The following BBS9 variants were observed in gnomAD, a reference collection of about 807,000 sequenced individuals.
BBS9 encodes the protein Bardet-Biedl syndrome 9, also known as protein PTHB1.
A neutral mutation model predicts 117.7 loss-of-function variants in BBS9; 89 were observed. The ratio of observed to expected loss-of-function variants is 0.76; its 90% CI spans 0.64 to 0.90. The LOEUF (loss-of-function observed/expected upper bound fraction) is 0.90. Ranked by LOEUF, BBS9 falls within the 40% of genes least tolerant of loss-of-function variation. The probability of loss-of-function intolerance (pLI) is 0.00; values close to 1 mark genes in which losing one functional copy is unlikely to be tolerated. For synonymous variants in BBS9, 379 were observed against 370.9 expected, an observed-to-expected ratio of 1.02 and a Z score of -0.25; for missense variants, 982 against 1,042.2, an observed-to-expected ratio of 0.94 and a Z score of 0.80.
intron 9 of BBS9, among the ~76,000 whole-genome samples, chr7:33,288,576 C>A (rs942395029): frequency 5.3e-5 from 8 of 152,110 alleles, no homozygotes; most frequent in African/African-American, 1.7e-4. Flanking sequence ...GACTTATTAC[C>A]CTTTTTCCTC....
chr7:33,341,272 C>T (rs567082674), intron 11 of BBS9, among the ~76,000 whole-genome samples: 25 of 152,186 alleles, frequency 1.6e-4, no homozygotes, highest in African/African-American at 5.3e-4. Flanking sequence ...TTCAAACTTT[C>T]TTAGTACCAT....
chr7:33,516,487 C>CAAAAAAAAAA (rs61006845), intron 20 of BBS9, among the ~76,000 whole-genome samples: 3 of 51,520 alleles, frequency 5.8e-5, no homozygotes, highest in African/African-American at 7.5e-5. Flanking sequence ...ATTTCATCTC[C>CAAAAAAAAAA]AAAAAAAAAA....
chr7:33,378,355 TGA>T (rs1824293993), intron 17 of BBS9, among the ~76,000 whole-genome samples: 1 of 152,236 alleles, frequency 6.6e-6, no homozygotes, highest in South Asian at 2.1e-4. Flanking sequence ...AGTGTTACCT[TGA>T]GTCTTATTTA....
chr7:33,537,884 T>C (rs1316640949), intron 21 of BBS9, among the ~76,000 whole-genome samples: 3 of 152,252 alleles, frequency 2.0e-5, no homozygotes, highest in Non-Finnish European at 4.4e-5. Context: ...TGAAGACTTA[T>C]CATTTTAACC....
chr7:33,481,786 G>A (rs1842544054), intron 19 of BBS9, among the ~76,000 whole-genome samples: 1 of 152,140 alleles, frequency 6.6e-6, no homozygotes, highest in East Asian at 1.9e-4. Flanking sequence ...GAGTGGAGAG[G>A]AAGAAATAAA....
intron 20 of BBS9, among the ~76,000 whole-genome samples, chr7:33,517,630 G>A (rs1172755245): frequency 6.6e-6 from 1 of 152,102 alleles, no homozygotes; most frequent in Admixed American, 6.5e-5. Flanking sequence ...GCACTTCTTG[G>A]CTCTGCTCTC....
chr7:33,237,932 G>T (rs181686542), intron 5 of BBS9, among the ~76,000 whole-genome samples: 50 of 152,244 alleles, frequency 3.3e-4, no homozygotes, highest in Middle Eastern at 3.4e-3. Context: ...TTCTGATGAG[G>T]TGAAAGCCTG....
intron 19 of BBS9, among the ~76,000 whole-genome samples, chr7:33,429,540 C>A (rs899017672): frequency 6.6e-6 from 1 of 152,112 alleles, no homozygotes; most frequent in East Asian, 1.9e-4. Context: ...GTGAAAATAG[C>A]ATTGGTTTAG....
chr7:33,148,442 A>G (rs1471507343), intron 2 of BBS9, among the ~76,000 whole-genome samples: 2 of 152,198 alleles, frequency 1.3e-5, no homozygotes, highest in Non-Finnish European at 2.9e-5. Flanking sequence ...GGCTCACTGC[A>G]ACCTCCACCT....
intron 7 of BBS9, among the ~76,000 whole-genome samples, chr7:33,267,044 A>G (rs1410122838): frequency 6.6e-6 from 1 of 152,068 alleles, no homozygotes; most frequent in Non-Finnish European, 1.5e-5. Context: ...CGCCTGGCAT[A>G]TATCTATATT....
chr7:33,402,491 T>G (rs1279727906), intron 19 of BBS9, among the ~76,000 whole-genome samples: 1 of 152,176 alleles, frequency 6.6e-6, no homozygotes, highest in Non-Finnish European at 1.5e-5. Context: ...AGCCCCCTTG[T>G]GTCCAGTTAC....
intron 5 of BBS9, among the ~76,000 whole-genome samples, chr7:33,255,654 T>C (rs1442109092): frequency 2.0e-5 from 3 of 152,202 alleles, no homozygotes; most frequent in Non-Finnish European, 4.4e-5. Flanking sequence ...TTGCAGCATT[T>C]ATTTTAACTA....
At chr7:33,495,348 TC>T (rs2129001851) in intron 19 of BBS9, among the ~76,000 whole-genome samples, 1 of 152,306 alleles carries the variant, frequency 6.6e-6, no homozygotes, top group Admixed American at 6.5e-5. Context: ...ATCCATCATT[TC>T]CCTTCACTGG....
intron 19 of BBS9, among the ~76,000 whole-genome samples, chr7:33,416,971 A>ACTCT (rs1832107248): frequency 6.6e-6 from 1 of 152,218 alleles, no homozygotes; most frequent in Non-Finnish European, 1.5e-5. Context: ...GATATTTATT[A>ACTCT]GGGACCATAG....
chr7:33,415,810 G>C (rs1441065721), intron 19 of BBS9, among the ~76,000 whole-genome samples: 3 of 152,130 alleles, frequency 2.0e-5, no homozygotes, highest in Non-Finnish European at 4.4e-5. Context: ...GGCTCACCTA[G>C]TGGTTTTTAA....
chr7:33,210,727 C>T (rs778964854), intron 5 of BBS9, among the ~76,000 whole-genome samples: 22 of 152,060 alleles, frequency 1.4e-4, no homozygotes, highest in Admixed American at 6.6e-4. Context: ...TTAGTAGAGA[C>T]GTGGTTTCAC....
At chr7:33,330,434 T>A (rs1258208539) in intron 9 of BBS9, among the ~76,000 whole-genome samples, 1 of 152,232 alleles carries the variant, frequency 6.6e-6, no homozygotes, top group African/African-American at 2.4e-5. Context: ...TTTGTTCTTA[T>A]TATGTCATAT....
chr7:33,597,287 C>T (rs990069404), intron 21 of BBS9, among the ~76,000 whole-genome samples: 1 of 151,990 alleles, frequency 6.6e-6, no homozygotes, highest in Non-Finnish European at 1.5e-5. Context: ...AAATCTTGAT[C>T]AAAAGAAAAA....
intron 5 of BBS9, among the ~76,000 whole-genome samples, chr7:33,201,972 A>G (rs1019223878): frequency 2.6e-5 from 4 of 152,184 alleles, no homozygotes; most frequent in Non-Finnish European, 5.9e-5. Flanking sequence ...TAAGTGATGG[A>G]TGAAAAGCTT....
Sources: gnomAD v4.1 joint callset for allele counts (sites outside exome capture counted in the v4.1 genomes callset) on GRCh38, gnomAD v4.1.1 for gene constraint, MANE v1.5 for transcripts, NCBI Gene and HGNC (gene_info 2026-07-23, HGNC 2026-07-21) for gene names.